Variants in PDE5A observed in about 807,000 individuals in gnomAD.
The protein encoded by PDE5A is phosphodiesterase 5A.
Under a neutral mutation model 110.2 loss-of-function variants are expected in PDE5A, and 67 were observed. That is an observed-to-expected ratio of 0.61 (90% CI 0.50 to 0.75). PDE5A has a LOEUF of 0.75. Among genes scored for constraint, PDE5A ranks in the 30% least tolerant of loss-of-function variants. The pLI, the probability that PDE5A is intolerant of heterozygous loss-of-function variation, is 0.00. For synonymous variants in PDE5A, 328 were observed against 351.2 expected (o/e 0.93, Z 0.74); for missense variants, 862 against 1,045.1 (o/e 0.82, Z 2.42).
intron 15 of PDE5A, among the ~76,000 whole-genome samples, chr4:119,509,805 G>T (rs1359544220): frequency 6.6e-6 from 1 of 152,020 alleles, no homozygotes; most frequent in Middle Eastern, 3.2e-3. Flanking sequence ...GGTGTTGAGG[G>T]AGGCGTGAGA....
chr4:119,575,213 G>C (rs575656607), intron 3 of PDE5A, among the ~76,000 whole-genome samples: 2 of 152,192 alleles, frequency 1.3e-5, no homozygotes, highest in South Asian at 4.1e-4. Context: ...TGTCTGACTG[G>C]TGTACCTGAA....
At chr4:119,556,265 G>C (rs1465838017) in intron 7 of PDE5A, among the ~76,000 whole-genome samples, 1 of 152,170 alleles carries the variant, frequency 6.6e-6, no homozygotes, top group African/African-American at 2.4e-5. Context: ...CAGGATGTAA[G>C]AGTAAATGTC....
intron 6 of PDE5A, among the ~76,000 whole-genome samples, chr4:119,561,730 A>G (rs1302350263): frequency 2.0e-5 from 3 of 152,124 alleles, no homozygotes; most frequent in Admixed American, 2.0e-4. Context: ...AAAATATGAA[A>G]TAGTATCTAT....
chr4:119,521,659 C>T (rs1023364455), intron 12 of PDE5A, among the ~76,000 whole-genome samples: 2 of 151,440 alleles, frequency 1.3e-5, no homozygotes. Flanking sequence ...TATACTTATT[C>T]AGGTAGTTAC....
Position 119,498,397 on chromosome 4 carries a change from T to C in PDE5A, c.*204A>G, listed in dbSNP as rs759162834. 3.3e-5 allele frequency: 18 copies of C among 548,958 alleles called. No individual in the cohort carries two copies. Among genetic ancestry groups the C allele is most frequent in the Non-Finnish European group, 5.5e-5 (17 of 310,192 alleles). The allele number at this position is 548,958 out of a possible 1,614,324, so 34.0% of individuals were successfully genotyped here. On this transcript the variant is annotated 3_prime_UTR_variant, in exon 21 of 21. Transcript: ENST00000354960. ...GATGTTGTTGATCCTTTCAGTTCAG[T>C]AGCATAAAACAAATATACAAAAAAT...
In PDE5A at chr4:119,607,127, C is replaced by T. The variant is rs200891860; in HGVS notation, c.323G>A (p.Arg108Gln). 9.3e-6 allele frequency: 15 copies of T among 1,614,126 alleles called. No homozygotes were observed. Among genetic ancestry groups the T allele is most frequent in the Admixed American group, 1.7e-5 (1 of 60,020 alleles). Residue 108 changes from arginine (R) to glutamine (Q), a missense_variant, in exon 2 of 21, where the codon CGG (arginine) becomes CAG (glutamine). Physicochemically the swap from Arg to Gln is conservative, Grantham distance 43. Transcript: ENST00000354960. ...CTTGACAACAATGGGTCTAAGAGGC[C>T]GGTCAAATTCAGAGGCAGAGATTTT... is the stretch of plus-strand genomic sequence containing the variant. Reference protein sequence around the residue: ...TRKISASEFDRPLRPIVVKDS... With the variant: ...TRKISASEFDQPLRPIVVKDS...
rs1347987070 is a variant in PDE5A, at chr4:119,587,824, A to C, written c.831+8699T>G. Among the ~76,000 whole-genome samples the C allele has an allele frequency of 3.9e-5, 6 of 152,358 alleles. 1 individual carries two copies. Among genetic ancestry groups the C allele is most frequent in the Admixed American group, 3.9e-4 (6 of 15,308 alleles). ...TATTTTGACTGAAAATTGAAGGATT[A>C]TGAATAAAACTGTAACATTTATTTC... On this transcript the variant is annotated intron_variant, in intron 3 of 20. Transcript: ENST00000354960.
At chr4:119,553,999 G>T (rs904296556) in intron 7 of PDE5A, among the ~76,000 whole-genome samples, 2 of 152,006 alleles carry the variant, frequency 1.3e-5, no homozygotes, top group African/African-American at 4.8e-5. Context: ...TATTCTCATC[G>T]CAAATGGGCA....
At chr4:119,569,437 T>C (rs11723090) in intron 3 of PDE5A, among the ~76,000 whole-genome samples, 39,097 of 151,868 alleles carry the variant, frequency 0.26, 5,217 homozygotes, top group East Asian at 0.38. Context: ...ATTTGATCAC[T>C]ATGCATTATA....
At chr4:119,538,041 G>C (rs1274224889) in intron 11 of PDE5A, among the ~76,000 whole-genome samples, 2 of 152,000 alleles carry the variant, frequency 1.3e-5, no homozygotes. Context: ...TCTCAGCACA[G>C]TGTTCTGTGC....
intron 12 of PDE5A, among the ~76,000 whole-genome samples, chr4:119,521,296 C>A (rs1726120424): frequency 6.6e-6 from 1 of 151,792 alleles, no homozygotes; most frequent in Non-Finnish European, 1.5e-5. Context: ...TGTTAAGTAC[C>A]ATGCTAATTA....
intron 11 of PDE5A, among the ~76,000 whole-genome samples, chr4:119,528,989 G>A (rs1726428264): frequency 6.6e-6 from 1 of 152,096 alleles, no homozygotes; most frequent in African/African-American, 2.4e-5. Context: ...ACAGCTCCTG[G>A]CTTAAATGGA....
chr4:119,564,799 G>A (rs915466166), intron 5 of PDE5A, among the ~76,000 whole-genome samples: 1 of 152,100 alleles, frequency 6.6e-6, no homozygotes, highest in Non-Finnish European at 1.5e-5. Context: ...ACAAAGCCCA[G>A]GAAAAGTTCA....
intron 3 of PDE5A, among the ~76,000 whole-genome samples, chr4:119,594,085 C>G (rs1356425703): frequency 6.6e-6 from 1 of 152,132 alleles, no homozygotes; most frequent in Non-Finnish European, 1.5e-5. Flanking sequence ...TGGGTGGGGA[C>G]ACAGACAAAT....
chr4:119,515,922 C>T (rs1725893625), intron 14 of PDE5A, among the ~76,000 whole-genome samples: 2 of 152,070 alleles, frequency 1.3e-5, no homozygotes, highest in African/African-American at 4.8e-5. Context: ...TTTTTCCCAC[C>T]CATATCAAAT....
At chr4:119,535,457 A>G (rs1177191195) in intron 11 of PDE5A, among the ~76,000 whole-genome samples, 2 of 152,166 alleles carry the variant, frequency 1.3e-5, no homozygotes, top group Non-Finnish European at 2.9e-5. Flanking sequence ...AAGGCAAAAA[A>G]GGCTGTCAAT....
chr4:119,557,104 C>A (rs1442693211), intron 7 of PDE5A, among the ~76,000 whole-genome samples: 1 of 152,132 alleles, frequency 6.6e-6, no homozygotes, highest in Non-Finnish European at 1.5e-5. Context: ...CAGGGTTGAT[C>A]CCAGAGAAAA....
At chr4:119,615,635 A>G (rs1350283224) in intron 1 of PDE5A, among the ~76,000 whole-genome samples, 2 of 152,096 alleles carry the variant, frequency 1.3e-5, no homozygotes, top group Non-Finnish European at 2.9e-5. Flanking sequence ...AAAAGAAAAA[A>G]AAAAGAGAAC....
chr4:119,509,727 C>T (rs1416819618), intron 15 of PDE5A, among the ~76,000 whole-genome samples: 1 of 151,936 alleles, frequency 6.6e-6, no homozygotes, highest in African/African-American at 2.4e-5. Context: ...TGTACTAGAC[C>T]ATATACAGAT....
Sources: gnomAD v4.1 joint callset for allele counts (sites outside exome capture counted in the v4.1 genomes callset) on GRCh38, gnomAD v4.1.1 for gene constraint, MANE v1.5 for transcripts, NCBI Gene and HGNC (gene_info 2026-07-23, HGNC 2026-07-21) for gene names.